Variants in SPTBN1 observed in about 807,000 individuals in gnomAD.
SPTBN1 encodes spectrin beta chain, non-erythrocytic 1.
A neutral mutation model predicts 266.4 loss-of-function variants in SPTBN1; 32 were observed. That is an observed-to-expected ratio of 0.12 (90% CI 0.09 to 0.16). The LOEUF is 0.16. Ranked by LOEUF, SPTBN1 falls within the 10% of genes least tolerant of loss-of-function variation. SPTBN1 has a pLI of 1.00. For missense variants in SPTBN1, 2,296 were observed against 3,067.1 expected, an observed-to-expected ratio of 0.75 and a Z score of 5.94; for synonymous variants, 1,336 against 1,162.2, an observed-to-expected ratio of 1.15 and a Z score of -3.04.
intron 1 of SPTBN1, among the ~76,000 whole-genome samples, chr2:54,518,296 G>T (rs1670228684): frequency 6.6e-6 from 1 of 151,846 alleles, no homozygotes; most frequent in Admixed American, 6.6e-5. Flanking sequence ...ACACACCGGG[G>T]CCTGTCATGG....
In SPTBN1 at chr2:54,558,164, A is replaced by T. The variant is rs1673004252; in HGVS notation, c.148+31598A>T. 7.1e-6 allele frequency: 7 copies of T among 985,252 alleles called. No homozygotes were observed. Among genetic ancestry groups the T allele is most frequent in the African/African-American group, 1.7e-5 (1 of 57,224 alleles). 61.0% of individuals were successfully genotyped at this position (985,252 alleles called of 1,614,324 possible). A position where few individuals can be genotyped will look rare whatever the true frequency, so the allele number is the denominator to read the frequency against. On this transcript the variant is annotated intron_variant, in intron 2 of 35. Coordinates refer to ENST00000356805, the MANE Select transcript of SPTBN1 (RefSeq NM_003128.3). This position sits in a 1 kb window ranked among gnomAD's most constrained non-coding sequence, Gnocchi z 4.6. ...GGGAAGGCACTACCGCGGCGAGTCC[A>T]GGGCCCGGCCGGGGGTCGGCGGCTG...
At chr2:54,508,497 G>A (rs1669694631) in intron 1 of SPTBN1, among the ~76,000 whole-genome samples, 1 of 152,192 alleles carries the variant, frequency 6.6e-6, no homozygotes, top group African/African-American at 2.4e-5. Flanking sequence ...CGATGGAAAG[G>A]AAATGAGAGG....
chr2:54,524,752 C>A (rs900183715), intron 1 of SPTBN1, among the ~76,000 whole-genome samples: 30 of 152,236 alleles, frequency 2.0e-4, no homozygotes, highest in African/African-American at 7.0e-4. Context: ...CCGAGTCTCT[C>A]CCGCTGCCCA....
intron 32 of SPTBN1, chr2:54,660,767 G>A: frequency 2.0e-6 from 2 of 985,392 alleles, no homozygotes; most frequent in Non-Finnish European, 2.4e-6. Flanking sequence ...TTGCACAGAT[G>A]TTGCAGCCAG....
At chr2:54,630,148 G>C in intron 15 of SPTBN1, 119 bp downstream of exon 15, 1 of 1,330,942 alleles carries the variant, frequency 7.5e-7, no homozygotes, top group Middle Eastern at 2.3e-4. Context: ...TTGCAACACT[G>C]ATGTCATGGC....
chr2:54,471,800 A>ATTTTCTTTTTTTT (rs1693933841), intron 1 of SPTBN1, among the ~76,000 whole-genome samples: 1 of 102,718 alleles, frequency 9.7e-6, no homozygotes, highest in Non-Finnish European at 1.9e-5. Flanking sequence ...TTTTTTATCG[A>ATTTTCTTTTTTTT]TTTTTTTTTT....
chr2:54,664,588 G>A lies in SPTBN1; in HGVS notation c.6556G>A (p.Ala2186Thr), dbSNP rs200361368. The A allele has an allele frequency of 2.4e-4, 385 of 1,613,940 alleles. No homozygotes were observed. The highest frequency in any genetic ancestry group is 9.9e-4 in the Middle Eastern group (6 of 6,084). The change falls in exon 33 of 36, where the codon GCC becomes ACC. Residue 2186 changes from alanine to threonine, a missense_variant. Physicochemically the swap from Ala to Thr is moderately conservative, Grantham distance 58 (BLOSUM62 0). Coordinates refer to ENST00000356805, the MANE Select transcript of SPTBN1 (RefSeq NM_003128.3). The surrounding 1 kb of genome is among the most constrained non-coding windows in gnomAD (Gnocchi z 5.6). ...AKTALPAQSA[A>T]TLPARTQETP... ...GACTGCCCTCCCAGCCCAGAGTGCC[G>A]CCACCTTACCAGCCAGAACCCAGGA...
Position 54,671,014 on chromosome 2 carries a change from T to G in SPTBN1, c.*2445T>G. ...TTTGAGGATTTTGCATATTTCTTGTTGCCATAATGCTGTGCTATTTTACCC... is the reference window on the plus strand; with the variant it reads ...TTTGAGGATTTTGCATATTTCTTGTGGCCATAATGCTGTGCTATTTTACCC... On this transcript the variant is annotated 3_prime_UTR_variant, in exon 36 of 36. Coordinates refer to ENST00000356805, the MANE Select transcript of SPTBN1 (RefSeq NM_003128.3). 2.6e-6 allele frequency: 1 copy of G among 391,496 alleles called. No individual in the cohort carries two copies. The highest frequency in any genetic ancestry group is 4.5e-6 in the Non-Finnish European group (1 of 222,134). 24.3% of individuals were successfully genotyped at this position (391,496 alleles called of 1,614,324 possible).
chr2:54,554,498 T>G lies in SPTBN1; in HGVS notation c.148+27932T>G, dbSNP rs1236366563. ...AGTGGAGATTGATGATAACTGGGACTGCAGTTAGAAGTGGGACCTAAGCAG... is the reference window on the plus strand; with the variant it reads ...AGTGGAGATTGATGATAACTGGGACGGCAGTTAGAAGTGGGACCTAAGCAG... On this transcript the variant is annotated intron_variant, in intron 2 of 35. Transcript: ENST00000356805. The surrounding 1 kb of genome is among the most constrained non-coding windows in gnomAD (Gnocchi z 4.5). 6.6e-6 allele frequency among the ~76,000 whole-genome samples: 1 copy of G among 152,216 alleles called. No homozygotes were observed. The highest frequency in any genetic ancestry group is 1.9e-4 in the East Asian group (1 of 5,204).
intron 32 of SPTBN1, chr2:54,660,982 C>T (rs1681002027): frequency 1.0e-6 from 1 of 985,412 alleles, no homozygotes; most frequent in African/African-American, 1.7e-5. Flanking sequence ...GAACAGAAGC[C>T]ATTGTGGTTC....
At chr2:54,599,615 G>A (rs1361544089) in intron 3 of SPTBN1, among the ~76,000 whole-genome samples, 1 of 152,202 alleles carries the variant, frequency 6.6e-6, no homozygotes, top group East Asian at 1.9e-4. Context: ...CTAAATTTGT[G>A]TCTTTCTGGT....
chr2:54,512,940 T>C (rs1405071810), intron 1 of SPTBN1, among the ~76,000 whole-genome samples: 2 of 152,220 alleles, frequency 1.3e-5, no homozygotes, highest in Admixed American at 6.5e-5. Flanking sequence ...GGCTTAGGCA[T>C]GTAATCCCAG....
chr2:54,521,298 A>G (rs1670425526), intron 1 of SPTBN1, among the ~76,000 whole-genome samples: 1 of 152,200 alleles, frequency 6.6e-6, no homozygotes, highest in Non-Finnish European at 1.5e-5. Flanking sequence ...TTGAGTGCCT[A>G]GAAGGGACCT....
At chr2:54,520,333 G>A (rs1405955730) in intron 1 of SPTBN1, 2 of 152,136 alleles carry the variant, frequency 1.3e-5, no homozygotes, top group Non-Finnish European at 2.9e-5. Context: ...TACTTACAAA[G>A]CCTGGCATGG....
intron 2 of SPTBN1, among the ~76,000 whole-genome samples, chr2:54,587,950 G>A (rs74829563): frequency 0.039 from 5,906 of 152,286 alleles, 149 homozygotes; most frequent in Admixed American, 0.087. Flanking sequence ...ATATTCAATA[G>A]CAAAATTTAA....
intron 1 of SPTBN1, chr2:54,457,131 C>T (rs1216214671): frequency 7.5e-6 from 1 of 134,032 alleles, no homozygotes; most frequent in Non-Finnish European, 1.6e-5. Flanking sequence ...CCCATCCCTG[C>T]GCTTGCTACC....
Position 54,670,977 on chromosome 2 carries a change from A to G in SPTBN1, c.*2408A>G, listed in dbSNP as rs112265531. 1.1e-3 allele frequency: 426 copies of G among 395,386 alleles called. 2 individuals are homozygous for G. Among genetic ancestry groups the G allele is most frequent in the African/African-American group, 8.3e-3 (398 of 48,050 alleles). 24.5% of individuals were successfully genotyped at this position (395,386 alleles called of 1,614,324 possible). Reference sequence around the variant, plus strand: ...TTTTTTGTTTTTTTTTTATTCTTCCACTATCATGTTTTTTGAGGATTTTGC... The same window carrying G: ...TTTTTTGTTTTTTTTTTATTCTTCCGCTATCATGTTTTTTGAGGATTTTGC... On this transcript the variant is annotated 3_prime_UTR_variant, in exon 36 of 36. Coordinates refer to ENST00000356805, the MANE Select transcript of SPTBN1 (RefSeq NM_003128.3).
At chr2:54,577,982 A>G (rs1203054275) in intron 2 of SPTBN1, among the ~76,000 whole-genome samples, 1 of 152,210 alleles carries the variant, frequency 6.6e-6, no homozygotes, top group Non-Finnish European at 1.5e-5. Flanking sequence ...GGTGAATGCC[A>G]TGTAAAATTC....
At chr2:54,630,522 C>T (rs889058511) in intron 15 of SPTBN1, among the ~76,000 whole-genome samples, 1 of 152,110 alleles carries the variant, frequency 6.6e-6, no homozygotes, top group South Asian at 2.1e-4. Context: ...ATTTGGAAAA[C>T]GTTCATTAGG....
Sources: gnomAD v4.1 joint callset for allele counts (sites outside exome capture counted in the v4.1 genomes callset) on GRCh38, gnomAD v4.1.1 for gene constraint, Gnocchi (gnomAD v3.1) non-coding constraint, MANE v1.5 for transcripts, NCBI Gene and HGNC (gene_info 2026-07-23, HGNC 2026-07-21) for gene names.